The following MAPRE2 variants were observed in gnomAD, a reference collection of about 807,000 sequenced individuals.
MAPRE2 encodes microtubule associated protein RP/EB family member 2.
A neutral mutation model predicts 43.2 loss-of-function variants in MAPRE2; 13 were observed. The observed-to-expected ratio is 0.30, with a 90% CI of 0.20 to 0.48. The LOEUF (loss-of-function observed/expected upper bound fraction) is 0.48, where lower values mean the gene tolerates loss of function less well. Among genes scored for constraint, MAPRE2 ranks in the 20% least tolerant of loss-of-function variants. The probability of loss-of-function intolerance (pLI) is 0.99; values close to 1 mark genes in which losing one functional copy is unlikely to be tolerated. For missense variants in MAPRE2, 161 were observed against 400.2 expected, an observed-to-expected ratio of 0.40 and a Z score of 5.10; for synonymous variants, 135 against 148.8, an observed-to-expected ratio of 0.91 and a Z score of 0.68.
chr18:35,009,341 T>C (rs529200415), intron 2 of MAPRE2, among the ~76,000 whole-genome samples: 1 of 152,210 alleles, frequency 6.6e-6, no homozygotes, highest in South Asian at 2.1e-4. Flanking sequence ...GCTAGGGATA[T>C]AGAGGTGACC....
intron 1 of MAPRE2, among the ~76,000 whole-genome samples, chr18:35,047,076 TTCCTC>T (rs1210309725): frequency 6.6e-6 from 1 of 152,216 alleles, no homozygotes; most frequent in African/African-American, 2.4e-5. Context: ...TTGGGGCCAA[TTCCTC>T]TGACAGTTAG....
Position 35,087,261 on chromosome 18 carries a change from C to T in MAPRE2, c.251-10185C>T, listed in dbSNP as rs1006647044. On this transcript the variant is annotated intron_variant, in intron 2 of 6. Coordinates refer to ENST00000300249, the MANE Select transcript of MAPRE2 (RefSeq NM_014268.4). ...GACAGTGTAGAAAGAATAGTTTTTT[C>T]CCCCCTACTTATTTCCAGATCATTT... Among the ~76,000 whole-genome samples the T allele has an allele frequency of 3.3e-5, 5 of 152,012 alleles. No individual in the cohort carries two copies. The East Asian group carries it at 7.7e-4, about 24-fold the overall frequency.
chr18:35,134,775 CTT>C (rs1910316036), intron 6 of MAPRE2, among the ~76,000 whole-genome samples: 1 of 152,216 alleles, frequency 6.6e-6, no homozygotes, highest in Non-Finnish European at 1.5e-5. Context: ...GTTGTGGCCT[CTT>C]TTTCGGGGCA....
chr18:35,005,642 T>C (rs1258857346), intron 2 of MAPRE2: 2 of 782,500 alleles, frequency 2.6e-6, no homozygotes, highest in Non-Finnish European at 3.9e-6. Context: ...ACAAATTTAT[T>C]TTCAAAATTC....
At chr18:35,060,477 G>A (rs144188422) in intron 1 of MAPRE2, among the ~76,000 whole-genome samples, 11 of 152,186 alleles carry the variant, frequency 7.2e-5, no homozygotes, top group Non-Finnish European at 1.2e-4. Context: ...ATGAAGAAGC[G>A]TATGTCTATG....
At chr18:35,016,001 A>G (rs2097038012) in intron 2 of MAPRE2, among the ~76,000 whole-genome samples, 1 of 151,798 alleles carries the variant, frequency 6.6e-6, no homozygotes, top group Non-Finnish European at 1.5e-5. Context: ...TGCCATCTTT[A>G]TGTCCATAAG....
At chr18:35,099,513 G>A (rs1908578502) in intron 3 of MAPRE2, among the ~76,000 whole-genome samples, 1 of 152,152 alleles carries the variant, frequency 6.6e-6, no homozygotes, top group Non-Finnish European at 1.5e-5. Flanking sequence ...TACTCAGGAG[G>A]CTGAGGCAGG....
intron 2 of MAPRE2, among the ~76,000 whole-genome samples, chr18:35,018,382 A>G (rs753370485): frequency 1.6e-4 from 24 of 151,874 alleles, no homozygotes; most frequent in Non-Finnish European, 2.7e-4. Context: ...CAGAATTGAT[A>G]CCAGTTCTTC....
At chr18:35,001,657 A>G (rs1298707002) in intron 1 of MAPRE2, among the ~76,000 whole-genome samples, 1 of 152,200 alleles carries the variant, frequency 6.6e-6, no homozygotes, top group African/African-American at 2.4e-5. Context: ...ATTCCAACAT[A>G]GGCAACATTG....
At chr18:35,091,610 G>A (rs902622991) in intron 2 of MAPRE2, among the ~76,000 whole-genome samples, 12 of 152,150 alleles carry the variant, frequency 7.9e-5, no homozygotes, top group Admixed American at 3.3e-4. Flanking sequence ...TAGCCAAAGC[G>A]ATACTGAACA....
At chr18:35,083,877 G>A (rs571115482) in intron 2 of MAPRE2, among the ~76,000 whole-genome samples, 1 of 152,210 alleles carries the variant, frequency 6.6e-6, no homozygotes, top group African/African-American at 2.4e-5. Flanking sequence ...AGGGCTATTT[G>A]TTATATAGGT....
chr18:35,128,661 A>G (rs1241201990), intron 5 of MAPRE2, among the ~76,000 whole-genome samples: 2 of 152,172 alleles, frequency 1.3e-5, no homozygotes, highest in African/African-American at 2.4e-5. Flanking sequence ...ATGGGTTTTC[A>G]TATCTGAGGG....
intron 2 of MAPRE2, among the ~76,000 whole-genome samples, chr18:35,080,726 T>C (rs1424982697): frequency 6.6e-6 from 1 of 152,162 alleles, no homozygotes; most frequent in East Asian, 1.9e-4. Flanking sequence ...CACTGTCAAA[T>C]GTTTGGGCAT....
chr18:35,058,410 T>G (rs1906347832), intron 1 of MAPRE2, among the ~76,000 whole-genome samples: 1 of 151,810 alleles, frequency 6.6e-6, no homozygotes, highest in Non-Finnish European at 1.5e-5. Flanking sequence ...GCTTGTCTAT[T>G]TTTTTTTAAG....
At position 34,985,847 on chromosome 18, in the gene MAPRE2, C is replaced by T. The variant is rs693086; in HGVS notation, c.-70+8768C>T. ...ACCCCCTAGAAGAGAGGTAAAGTAT[C>T]TTCCAGGTATGAAATATATAGCCTA... On this transcript the variant is annotated intron_variant, in intron 1 of 7. Transcript: ENST00000413393. Among the ~76,000 whole-genome samples the T allele has an allele frequency of 8.4e-3, 1,244 of 148,776 alleles. 9 individuals carry two copies. Among genetic ancestry groups the T allele is most frequent in the African/African-American group, 0.015 (589 of 40,388 alleles).
chr18:35,057,052 T>A (rs1307830098), intron 1 of MAPRE2, among the ~76,000 whole-genome samples: 1 of 152,216 alleles, frequency 6.6e-6, no homozygotes, highest in Non-Finnish European at 1.5e-5. Context: ...TTCACTCTTG[T>A]TGCCCAGGCT....
intron 1 of MAPRE2, among the ~76,000 whole-genome samples, chr18:34,996,833 A>G (rs1468223306): frequency 6.6e-6 from 1 of 152,214 alleles, no homozygotes; most frequent in Non-Finnish European, 1.5e-5. Context: ...TAAAAACAAT[A>G]TGCAAAGGAA....
chr18:34,983,272 C>A (rs147646831), intron 1 of MAPRE2, among the ~76,000 whole-genome samples: 1 of 152,014 alleles, frequency 6.6e-6, no homozygotes, highest in African/African-American at 2.4e-5. Flanking sequence ...ATGTACTTTG[C>A]GAAAAGCAGT....
chr18:35,073,418 A>G (rs1300467671), intron 2 of MAPRE2, among the ~76,000 whole-genome samples: 1 of 152,230 alleles, frequency 6.6e-6, no homozygotes, highest in Non-Finnish European at 1.5e-5. Context: ...TATATTCCTC[A>G]TACTTATGAG....
Sources: allele counts gnomAD v4.1 joint callset (sites outside exome capture counted in the v4.1 genomes callset), GRCh38; gene constraint gnomAD v4.1.1; transcripts MANE v1.5; gene names NCBI Gene and HGNC (gene_info 2026-07-23, HGNC 2026-07-21).